The following DNHD1 variants were observed in gnomAD, a reference collection of about 807,000 sequenced individuals.
DNHD1 encodes the protein dynein heavy chain domain-containing protein 1.
DNHD1 carries 383 observed loss-of-function variants against 458.1 expected under a neutral mutation model. The ratio of observed to expected loss-of-function variants is 0.84; its 90% CI spans 0.77 to 0.91. The LOEUF (loss-of-function observed/expected upper bound fraction) is 0.91, where lower values mean the gene tolerates loss of function less well. DNHD1 is among the 40% of genes least tolerant of loss of function. DNHD1 has a pLI of 0.00. For synonymous variants in DNHD1, 2,203 were observed against 2,376.9 expected (o/e 0.93, Z 2.13); for missense variants, 5,336 against 5,866.1 (o/e 0.91, Z 2.95).
intron 37 of DNHD1, 77 bp from the exon 38 acceptor site, chr11:6,568,377 T>C: frequency 1.3e-6 from 2 of 1,594,220 alleles, no homozygotes; most frequent in Non-Finnish European, 1.7e-6. Flanking sequence ...CTGACACCCC[T>C]AGCCTCAAGT....
chr11:6,567,299 A>G lies in DNHD1; in HGVS notation c.11790A>G (p.Gln3930=). 1 of 1,614,064 alleles carries G rather than the reference A, an allele frequency of 6.2e-7. No individual in the cohort carries two copies. The highest frequency in any genetic ancestry group is 8.5e-7 in the Non-Finnish European group (1 of 1,179,900). ...CCGTGACTGCACTGGGCCTTACCCA[A>G]GTACCCTTGGTGGGTGCATTGGGCG... The part of the protein sequence containing the change: ...GSTVTALGLT[Q]VPLVGALGAL... The change falls in exon 36 of 43, where the codon CAA becomes CAG. Residue 3930 remains glutamine, a synonymous_variant. Transcript: ENST00000254579.
intron 24 of DNHD1, among the ~76,000 whole-genome samples, chr11:6,554,925 G>A (rs889286443): frequency 2.6e-5 from 4 of 152,052 alleles, no homozygotes; most frequent in African/African-American, 7.3e-5. Context: ...AATGAGAACC[G>A]CATATCCTCA....
chr11:6,564,127 A>G lies in DNHD1; in HGVS notation c.10284+3A>G, dbSNP rs751068243. 1 of 1,546,650 alleles carries G rather than the reference A, an allele frequency of 6.5e-7. No homozygotes were observed. Among genetic ancestry groups the G allele is most frequent in the South Asian group, 1.2e-5 (1 of 83,984 alleles). The stretch of plus-strand genomic sequence containing the variant: ...GTGCCTGGACTACACAGCTCCAGGT[A>G]ACCATCCCCCTCCCAGATGTCTCCC... On this transcript the variant is annotated splice_donor_region_variant and intron_variant, in intron 31 of 42. Coordinates refer to ENST00000254579, the MANE Select transcript of DNHD1 (RefSeq NM_144666.3).
chr11:6,533,283 G>GA, intron 13 of DNHD1, 99 bp downstream of exon 13: 6 of 1,258,636 alleles, frequency 4.8e-6, no homozygotes, highest in South Asian at 1.5e-5. Flanking sequence ...CCCCAGCAGA[G>GA]CTTGATGCTC....
At chr11:6,566,538 CT>C in intron 34 of DNHD1, 48 bp from the exon 35 acceptor site, 2 of 1,599,326 alleles carry the variant, frequency 1.3e-6, no homozygotes, top group South Asian at 1.1e-5. Context: ...ACTCTACCCC[CT>C]GGCTCTGCCA....
chr11:6,548,682 CAG>C lies in DNHD1; in HGVS notation c.7137_7138del (p.Gly2381ThrfsTer66), dbSNP rs1456103342. On this transcript the variant is annotated frameshift_variant, in exon 24 of 43. Coordinates refer to ENST00000254579, the MANE Select transcript of DNHD1 (RefSeq NM_144666.3). LOFTEE classifies it high-confidence loss of function. The surrounding 1 kb of genome is among the most constrained non-coding windows in gnomAD (Gnocchi z 4.4). ...TTGTATGTGGTGGACCTGCTTCTGT[CAG>C]GGGGACAGCCAGTGTTGCTGGCTGG... is the stretch of plus-strand genomic sequence containing the variant. The C allele has an allele frequency of 2.6e-6, 4 of 1,551,632 alleles. No homozygotes were observed. The highest frequency in any genetic ancestry group is 1.7e-4 in the Middle Eastern group (1 of 5,992).
chr11:6,538,357 G>T (rs552860927), intron 14 of DNHD1, 26 bp from the exon 15 acceptor site: 1 of 1,551,360 alleles, frequency 6.4e-7, no homozygotes, highest in East Asian at 2.4e-5. Flanking sequence ...AAGTAGCCCA[G>T]GTCTCAAGTC....
intron 12 of DNHD1, among the ~76,000 whole-genome samples, chr11:6,530,644 A>G (rs532288546): frequency 1.2e-4 from 19 of 152,312 alleles, no homozygotes; most frequent in African/African-American, 4.6e-4. Flanking sequence ...GTTTGCTTGT[A>G]TGCCCTGCTT....
At position 6,557,442 on chromosome 11, in the gene DNHD1, A is replaced by G; in HGVS notation, c.8147A>G (p.Gln2716Arg). Reference sequence around the variant, plus strand: ...GTAGAATCTGAAGGGGAGTTGGCCCAGTGGGAGGACTTCAGCAACAGCAAT... The same window carrying G: ...GTAGAATCTGAAGGGGAGTTGGCCCGGTGGGAGGACTTCAGCAACAGCAAT... ...PEVESEGELAQWEDFSNSNSE... is the reference protein window; with the variant it reads ...PEVESEGELARWEDFSNSNSE... Residue 2716 changes from glutamine to arginine, a missense_variant, in exon 25 of 43, where the codon CAG becomes CGG. Physicochemically the swap from Gln to Arg is conservative, Grantham distance 43 (BLOSUM62 1). Transcript: ENST00000254579. 12 of 1,551,594 alleles carry G rather than the reference A, an allele frequency of 7.7e-6. No homozygotes were observed. The highest frequency in any genetic ancestry group is 1.0e-5 in the Non-Finnish European group (12 of 1,147,066).
intron 18 of DNHD1, among the ~76,000 whole-genome samples, chr11:6,540,977 T>G (rs898823678): frequency 2.0e-5 from 3 of 152,250 alleles, no homozygotes; most frequent in Non-Finnish European, 4.4e-5. Context: ...CCTCACTGCC[T>G]TTCTTGCATT....
chr11:6,507,503 T>C (rs937484585), intron 4 of DNHD1, among the ~76,000 whole-genome samples: 7 of 152,208 alleles, frequency 4.6e-5, no homozygotes, highest in Non-Finnish European at 4.4e-5. Context: ...GAGCTAGCAA[T>C]ATTTTTAAGC....
chr11:6,552,318 G>A (rs747310691), intron 24 of DNHD1, among the ~76,000 whole-genome samples: 11 of 152,060 alleles, frequency 7.2e-5, no homozygotes, highest in Non-Finnish European at 1.3e-4. Context: ...GAGGTCAGGA[G>A]TTTGAGACCA....
At chr11:6,528,102 A>G (rs1000653418) in intron 10 of DNHD1, among the ~76,000 whole-genome samples, 1 of 152,136 alleles carries the variant, frequency 6.6e-6, no homozygotes, top group Non-Finnish European at 1.5e-5. Context: ...GGCGTATGCC[A>G]TCCGTTCTGT....
intron 29 of DNHD1, 45 bp from the exon 30 acceptor site, chr11:6,563,335 CAG>C (rs1415593588): frequency 1.3e-6 from 2 of 1,542,402 alleles, no homozygotes; most frequent in Non-Finnish European, 1.8e-6. Context: ...GAAGGAAGAA[CAG>C]AACATCTCAG....
At position 6,571,795 on chromosome 11, in the gene DNHD1, C is replaced by A; in HGVS notation, c.14071C>A (p.Pro4691Thr). The A allele has an allele frequency of 6.2e-7, 1 of 1,614,008 alleles. No individual in the cohort carries two copies. Among genetic ancestry groups the A allele is most frequent in the Admixed American group, 1.7e-5 (1 of 60,016 alleles). The change falls in exon 43 of 43, where the codon CCG (proline) becomes ACG (threonine). Residue 4691 changes from proline to threonine, a missense_variant. Physicochemically the swap from Pro to Thr is conservative, Grantham distance 38. Transcript: ENST00000254579. The surrounding 1 kb of genome is among the most constrained non-coding windows in gnomAD (Gnocchi z 5.0). ...TCCCGTCAGCATCAGCACACAGGCC[C>A]CGGGCACCAGTGACCTGCCAGCCCC... ...LPPVSISTQA[P>T]GTSDLPAPAD...
At position 6,538,439 on chromosome 11, in the gene DNHD1, C is replaced by G. The variant is rs748254959; in HGVS notation, c.3055C>G (p.Gln1019Glu). Reference protein sequence around the residue: ...ICGTRPIVQQQRIWHLYRVIS... With the variant: ...ICGTRPIVQQERIWHLYRVIS... ...TGGGACACGTCCTATTGTGCAGCAG[C>G]AGCGCATATGGCACCTGTACCGAGT... is the stretch of plus-strand genomic sequence containing the variant. The change falls in exon 15 of 43, where the codon CAG becomes GAG. Residue 1019 changes from glutamine (Q) to glutamate (E), a missense_variant. Physicochemically the swap from Gln to Glu is conservative, Grantham distance 29 (BLOSUM62 2). Coordinates refer to ENST00000254579, the MANE Select transcript of DNHD1 (RefSeq NM_144666.3). The G allele has an allele frequency of 1.1e-5, 17 of 1,551,680 alleles. No individual in the cohort carries two copies. The highest frequency in any genetic ancestry group is 1.5e-5 in the Non-Finnish European group (17 of 1,147,016).
chr11:6,533,101 C>T lies in DNHD1; in HGVS notation c.2422C>T (p.Leu808Phe), dbSNP rs1427052567. 17 of 1,551,486 alleles carry T rather than the reference C, an allele frequency of 1.1e-5. No homozygotes were observed. ...TGAGTGCTGGAACCTCAGTCAACAA[C>T]TCATGACAGAGCTCACAGATTTCAT... ...QNECWNLSQQ[L>F]MTELTDFMHI... is the part of the protein sequence containing the mutation. Residue 808 changes from leucine to phenylalanine, a missense_variant, in exon 13 of 43, where the codon CTC (leucine) becomes TTC (phenylalanine). Around this residue, in one of 4 missense-constraint regions of DNHD1, gnomAD observed 3,932 missense variants for 4,365.6 expected, o/e 0.90. Coordinates refer to ENST00000254579, the MANE Select transcript of DNHD1 (RefSeq NM_144666.3).
intron 7 of DNHD1, among the ~76,000 whole-genome samples, chr11:6,518,523 A>G (rs1049305062): frequency 6.6e-6 from 1 of 152,198 alleles, no homozygotes; most frequent in African/African-American, 2.4e-5. Context: ...GAGATTATAC[A>G]TTCTTTTTAC....
chr11:6,530,811 T>C (rs1852813371), intron 12 of DNHD1, among the ~76,000 whole-genome samples: 1 of 143,566 alleles, frequency 7.0e-6, no homozygotes, highest in African/African-American at 2.5e-5. Context: ...TCTCTGGCCG[T>C]GTTTTGGTCA....
Sources: gnomAD v4.1 joint callset for allele counts (sites outside exome capture counted in the v4.1 genomes callset) on GRCh38, gnomAD v4.1.1 for gene constraint, gnomAD v4.1.1 regional missense constraint, Gnocchi (gnomAD v3.1) non-coding constraint, MANE v1.5 for transcripts, NCBI Gene and HGNC (gene_info 2026-07-23, HGNC 2026-07-21) for gene names.